PALS1: variants seen among roughly 807,000 people sequenced by gnomAD.
PALS1 encodes the protein protein associated with LIN7 1, MAGUK p55 family member.
In PALS1, 31 loss-of-function variants were observed where a neutral mutation model predicts 78.9. That is an observed-to-expected ratio of 0.39 (90% confidence interval 0.30 to 0.53). The LOEUF (loss-of-function observed/expected upper bound fraction) is 0.53, where lower values mean the gene tolerates loss of function less well. Among genes scored for constraint, PALS1 ranks in the 20% least tolerant of loss-of-function variants. The pLI is 0.67. For missense variants in PALS1, 704 were observed against 826.5 expected, an observed-to-expected ratio of 0.85 and a Z score of 1.82; for synonymous variants, 276 against 270.9, an observed-to-expected ratio of 1.02 and a Z score of -0.18.
chr14:67,246,795 G>A (rs1011769201), intron 1 of PALS1, among the ~76,000 whole-genome samples: 3 of 151,698 alleles, frequency 2.0e-5, no homozygotes, highest in African/African-American at 4.8e-5. Context: ...GGGATTATAA[G>A]CGCGCACCAC....
At chr14:67,315,930 A>T (rs2085167021) in intron 9 of PALS1, among the ~76,000 whole-genome samples, 2 of 152,262 alleles carry the variant, frequency 1.3e-5, no homozygotes, top group African/African-American at 4.8e-5. Context: ...GTCTCAAAAG[A>T]TAACCAGGCT....
In PALS1 at chr14:67,292,684, C is replaced by T; in HGVS notation, c.541C>T (p.Pro181Ser). The T allele has an allele frequency of 6.2e-7, 1 of 1,613,634 alleles. No homozygotes were observed. Among genetic ancestry groups the T allele is most frequent in the Non-Finnish European group, 8.5e-7 (1 of 1,179,708 alleles). Residue 181 changes from proline (P) to serine (S), a missense_variant, in exon 4 of 15, where the codon CCT becomes TCT. Pro to Ser is a moderately conservative substitution (Grantham distance 74). Transcript: ENST00000261681. ...CATGAACAAGGCCAGTCCTCCATTTCCTCTTATCTCCAACGCACAAGATCT... is the reference window on the plus strand; with the variant it reads ...CATGAACAAGGCCAGTCCTCCATTTTCTCTTATCTCCAACGCACAAGATCT... Reference protein sequence around the residue: ...VHMNKASPPFPLISNAQDLAQ... With the variant: ...VHMNKASPPFSLISNAQDLAQ...
At chr14:67,322,230 C>G (rs1236197072) in intron 13 of PALS1, among the ~76,000 whole-genome samples, 1 of 151,980 alleles carries the variant, frequency 6.6e-6, no homozygotes, top group East Asian at 1.9e-4. Context: ...CACCTGTGGT[C>G]CCAGCTGCTT....
intron 8 of PALS1, among the ~76,000 whole-genome samples, chr14:67,305,349 C>T (rs1050281379): frequency 1.3e-5 from 2 of 151,904 alleles, no homozygotes; most frequent in Admixed American, 1.3e-4. Flanking sequence ...GATGTGATCA[C>T]GACTCCTGCA....
At chr14:67,277,256 T>C in intron 2 of PALS1, among the ~76,000 whole-genome samples, 1 of 120,874 alleles carries the variant, frequency 8.3e-6, no homozygotes, top group South Asian at 2.6e-4. Context: ...AGATCACAGT[T>C]AGAAAGAAGT....
intron 1 of PALS1, among the ~76,000 whole-genome samples, chr14:67,250,123 T>A (rs927497692): frequency 6.7e-6 from 1 of 149,430 alleles, no homozygotes. Context: ...AAACCATTGA[T>A]GTAGATAGAC....
chr14:67,321,386 T>G (rs898289614), intron 13 of PALS1, 127 bp downstream of exon 13: 1 of 830,910 alleles, frequency 1.2e-6, no homozygotes. Context: ...TTTTTCCCAC[T>G]GATTTGCTAT....
chr14:67,328,614 T>C (rs1215413353), intron 14 of PALS1, among the ~76,000 whole-genome samples: 2 of 152,232 alleles, frequency 1.3e-5, no homozygotes, highest in Admixed American at 6.5e-5. Flanking sequence ...GTTTTAGGTC[T>C]AACATTTAAG....
At chr14:67,275,850 A>T (rs1690464025) in intron 2 of PALS1, among the ~76,000 whole-genome samples, 1 of 152,008 alleles carries the variant, frequency 6.6e-6, no homozygotes, top group Admixed American at 6.6e-5. Context: ...TAGTCTTGGG[A>T]GGGTATATGT....
At chr14:67,325,979 C>CTTTTTTTTTT (rs61592505) in intron 14 of PALS1, among the ~76,000 whole-genome samples, 538 of 110,112 alleles carry the variant, frequency 4.9e-3, no homozygotes, top group East Asian at 8.6e-3. Flanking sequence ...CGGCTCTTTT[C>CTTTTTTTTTT]TTTTTTTTTT....
At chr14:67,259,023 A>G (rs1208955734) in intron 1 of PALS1, among the ~76,000 whole-genome samples, 1 of 149,852 alleles carries the variant, frequency 6.7e-6, no homozygotes, top group Non-Finnish European at 1.5e-5. Context: ...TTGTATTTTT[A>G]GTAGAGACAG....
intron 14 of PALS1, among the ~76,000 whole-genome samples, chr14:67,325,730 A>C (rs1277904454): frequency 3.9e-5 from 6 of 152,010 alleles, no homozygotes; most frequent in Admixed American, 3.9e-4. Context: ...ATTTCTTTTT[A>C]GGCTATCTTT....
intron 3 of PALS1, among the ~76,000 whole-genome samples, chr14:67,280,452 T>G (rs1015949266): frequency 1.3e-5 from 2 of 152,224 alleles, no homozygotes; most frequent in African/African-American, 4.8e-5. Flanking sequence ...AGGGTCTGTT[T>G]AGCCTGTACT....
chr14:67,247,050 G>C (rs1222200715), intron 1 of PALS1, among the ~76,000 whole-genome samples: 1 of 152,086 alleles, frequency 6.6e-6, no homozygotes, highest in African/African-American at 2.4e-5. Flanking sequence ...TTTGCTTTCT[G>C]TATGATATTT....
intron 3 of PALS1, among the ~76,000 whole-genome samples, chr14:67,280,853 T>TTCTTTCCCTCCCTCCC (rs1555520242): frequency 2.6e-5 from 2 of 77,610 alleles, no homozygotes; most frequent in African/African-American, 2.0e-4. Flanking sequence ...CCTTCCTTCC[T>TTCTTTCCCTCCCTCCC]TCCCTCCCTC....
At chr14:67,245,105 A>G (rs772307263) in intron 1 of PALS1, among the ~76,000 whole-genome samples, 14 of 152,362 alleles carry the variant, frequency 9.2e-5, no homozygotes, top group Non-Finnish European at 1.5e-4. Context: ...CCTGCCAGTA[A>G]TTTTAGCCAA....
intron 3 of PALS1, among the ~76,000 whole-genome samples, chr14:67,281,714 T>C (rs1238288764): frequency 1.3e-5 from 2 of 152,218 alleles, no homozygotes; most frequent in Admixed American, 6.5e-5. Context: ...GAAACAAATA[T>C]AGCTTCAGCC....
intron 13 of PALS1, 56 bp downstream of exon 13, chr14:67,321,315 AAT>A: frequency 6.5e-7 from 1 of 1,536,786 alleles, no homozygotes; most frequent in Non-Finnish European, 9.0e-7. Context: ...CATATAGAGT[AAT>A]CTAGTGGAAG....
chr14:67,255,143 A>G (rs562035524), intron 1 of PALS1, among the ~76,000 whole-genome samples: 6 of 151,988 alleles, frequency 3.9e-5, no homozygotes, highest in African/African-American at 1.2e-4. Flanking sequence ...GCGAGACTCC[A>G]TCTCTCAAAA....
Sources: allele counts gnomAD v4.1 joint callset (sites outside exome capture counted in the v4.1 genomes callset), GRCh38; gene constraint gnomAD v4.1.1; transcripts MANE v1.5; gene names NCBI Gene and HGNC (gene_info 2026-07-23, HGNC 2026-07-21).